Variants in ELL2 observed in about 807,000 individuals in gnomAD.
ELL2 encodes the protein elongation factor for RNA polymerase II 2, also known as RNA polymerase II elongation factor ELL2.
A neutral mutation model predicts 72.8 loss-of-function variants in ELL2; 21 were observed. The ratio of observed to expected loss-of-function variants is 0.29; its 90% CI spans 0.20 to 0.42. The LOEUF (loss-of-function observed/expected upper bound fraction) is 0.42, where lower values mean the gene tolerates loss of function less well. Among genes scored for constraint, ELL2 ranks in the 10% least tolerant of loss-of-function variants. The pLI, the probability that ELL2 is intolerant of heterozygous loss-of-function variation, is 1.00. For synonymous variants in ELL2, 266 were observed against 283.2 expected, an observed-to-expected ratio of 0.94 and a Z score of 0.61; for missense variants, 568 against 772.8, an observed-to-expected ratio of 0.73 and a Z score of 3.14.
chr5:95,891,914 G>A (rs991957559), intron 9 of ELL2, among the ~76,000 whole-genome samples: 1 of 152,258 alleles, frequency 6.6e-6, no homozygotes, highest in South Asian at 2.1e-4. Context: ...CCAAAAAAAG[G>A]CATATTTCTC....
At chr5:95,961,142 G>T (rs184839187) in intron 1 of ELL2, among the ~76,000 whole-genome samples, 1 of 152,176 alleles carries the variant, frequency 6.6e-6, no homozygotes, top group African/African-American at 2.4e-5. Flanking sequence ...ACTGGAAAAC[G>T]CGGGCAGCTG....
intron 1 of ELL2, among the ~76,000 whole-genome samples, chr5:95,950,162 T>C (rs1473201581): frequency 6.6e-6 from 1 of 152,230 alleles, no homozygotes; most frequent in Admixed American, 6.5e-5. Flanking sequence ...AACTTGTTTT[T>C]ACTTGCACTA....
At chr5:95,893,478 G>A (rs1463531715) in intron 9 of ELL2, among the ~76,000 whole-genome samples, 1 of 152,014 alleles carries the variant, frequency 6.6e-6, no homozygotes, top group Non-Finnish European at 1.5e-5. Flanking sequence ...TCCGCCTCCC[G>A]GGTTCACACC....
rs763833889 is a variant in ELL2 at position 95,885,708 on chromosome 5, T to TAAGAG, written c.*3158_*3162dup. 4 of 152,188 alleles carry TAAGAG rather than the reference T, an allele frequency of 2.6e-5. No individual in the cohort carries two copies. The highest frequency in any genetic ancestry group is 5.9e-5 in the Non-Finnish European group (4 of 68,036). 9.4% of individuals were successfully genotyped at this position (152,188 alleles called of 1,614,324 possible). On this transcript the variant is annotated 3_prime_UTR_variant, in exon 12 of 12. Transcript: ENST00000237853. ...GTTTTACATAAGGTGAAACACTTTA[T>TAAGAG]AAGAGAAAAGAAAACTCCTATAAAG... is the stretch of plus-strand genomic sequence containing the variant.
rs766920783 is a variant in ELL2, at chr5:95,961,680, G to C, written c.42C>G (p.Arg14=). Residue 14 remains arginine (R), a synonymous_variant, in exon 1 of 12, where the codon CGC becomes CGG. Coordinates refer to ENST00000237853, the MANE Select transcript of ELL2 (RefSeq NM_012081.6). ...CCAGCCGTCCGCACGACAGCCCATA[G>C]CGCTGCTCCTCCCGCAGGCCCCCTG... The part of the protein sequence containing the change: ...GGTGGLREEQ[R]YGLSCGRLGQ... The C allele has an allele frequency of 1.3e-5, 21 of 1,606,654 alleles. No individual in the cohort carries two copies. The highest frequency in any genetic ancestry group is 5.5e-5 in the South Asian group (5 of 90,356).
At chr5:95,926,143 G>C (rs928158489) in intron 2 of ELL2, among the ~76,000 whole-genome samples, 1 of 151,376 alleles carries the variant, frequency 6.6e-6, no homozygotes, top group African/African-American at 2.4e-5. Context: ...CTGCAGTTAT[G>C]ACTTTAGGCC....
chr5:95,913,606 C>T (rs947712491), intron 4 of ELL2, 165 bp downstream of exon 4: 1 of 635,104 alleles, frequency 1.6e-6, no homozygotes. Flanking sequence ...AATTTACTGG[C>T]AGTCTGAAGA....
intron 9 of ELL2, among the ~76,000 whole-genome samples, chr5:95,893,081 A>G (rs1218354226): frequency 1.3e-5 from 2 of 152,226 alleles, no homozygotes; most frequent in Non-Finnish European, 2.9e-5. Context: ...TGCTTTCTCA[A>G]AAGCATACCT....
intron 4 of ELL2, among the ~76,000 whole-genome samples, chr5:95,911,401 A>G (rs9986236): frequency 0.37 from 56,543 of 151,492 alleles, 11,902 homozygotes; most frequent in African/African-American, 0.58. Flanking sequence ...GCAGTGGCAC[A>G]ATCTCGGCTC....
chr5:95,911,407 G>A (rs1749592799), intron 4 of ELL2, among the ~76,000 whole-genome samples: 1 of 151,080 alleles, frequency 6.6e-6, no homozygotes. Context: ...GCACAATCTC[G>A]GCTCACTGCA....
intron 1 of ELL2, among the ~76,000 whole-genome samples, chr5:95,953,736 A>G (rs566773055): frequency 1.2e-3 from 183 of 152,376 alleles, no homozygotes; most frequent in African/African-American, 4.2e-3. Context: ...TCAAAACACC[A>G]AAACAGAAAT....
intron 2 of ELL2, among the ~76,000 whole-genome samples, chr5:95,921,450 CCTAACGTTA>C (rs1464942224): frequency 6.6e-6 from 1 of 152,066 alleles, no homozygotes; most frequent in Non-Finnish European, 1.5e-5. Flanking sequence ...TTTTGAGGGC[CCTAACGTTA>C]CTCTTTAATT....
intron 1 of ELL2, among the ~76,000 whole-genome samples, chr5:95,948,097 T>G (rs979402050): frequency 6.6e-6 from 1 of 152,086 alleles, no homozygotes; most frequent in Admixed American, 6.5e-5. Context: ...AATCCCAATT[T>G]TAGAAAAGAA....
Position 95,922,389 on chromosome 5 carries a change from G to A in ELL2, c.196-2844C>T, listed in dbSNP as rs563207868. On this transcript the variant is annotated intron_variant, in intron 2 of 11. Coordinates refer to ENST00000237853, the MANE Select transcript of ELL2 (RefSeq NM_012081.6). ...AATTGCATTTTTAAAAGGTTGAATT[G>A]TACAGTTTTTTTCCCCCTATTTTTC... Among the ~76,000 whole-genome samples, 6 of 152,272 alleles carry A rather than the reference G, an allele frequency of 3.9e-5. No individual in the cohort carries two copies. In the East Asian group the frequency reaches 1.2e-3, roughly 29 times the overall value.
chr5:95,945,211 C>T (rs1195660981), intron 1 of ELL2, among the ~76,000 whole-genome samples: 1 of 152,212 alleles, frequency 6.6e-6, no homozygotes, highest in Non-Finnish European at 1.5e-5. Flanking sequence ...CCATCCCCAG[C>T]CTTCCCAACC....
chr5:95,894,552 C>T (rs2112270282), intron 9 of ELL2, among the ~76,000 whole-genome samples: 1 of 152,236 alleles, frequency 6.6e-6, no homozygotes, highest in African/African-American at 2.4e-5. Context: ...CCTTCCTGGG[C>T]CAACTAAGTG....
intron 3 of ELL2, among the ~76,000 whole-genome samples, chr5:95,916,080 T>A (rs952162112): frequency 6.6e-6 from 1 of 151,746 alleles, no homozygotes; most frequent in African/African-American, 2.4e-5. Context: ...AGTGATGGCA[T>A]GAACCAGAGT....
chr5:95,950,848 T>G (rs1751343721), intron 1 of ELL2, among the ~76,000 whole-genome samples: 1 of 145,664 alleles, frequency 6.9e-6, no homozygotes, highest in Non-Finnish European at 1.5e-5. Flanking sequence ...TAGAAAATGG[T>G]GGCTATCTGA....
chr5:95,942,083 T>G (rs1414739280), intron 2 of ELL2, among the ~76,000 whole-genome samples: 1 of 152,244 alleles, frequency 6.6e-6, no homozygotes, highest in Non-Finnish European at 1.5e-5. Context: ...CTGTGTTGAA[T>G]GATGTAATTA....
Sources: allele counts gnomAD v4.1 joint callset (sites outside exome capture counted in the v4.1 genomes callset), GRCh38; gene constraint gnomAD v4.1.1; transcripts MANE v1.5; gene names NCBI Gene and HGNC (gene_info 2026-07-23, HGNC 2026-07-21).